ATF7: variants seen among roughly 807,000 people sequenced by gnomAD.
ATF7 encodes cyclic AMP-dependent transcription factor ATF-7.
Under a neutral mutation model 50.4 loss-of-function variants are expected in ATF7, and 10 were observed. The ratio of observed to expected loss-of-function variants is 0.20; its 90% CI spans 0.12 to 0.34. The LOEUF (loss-of-function observed/expected upper bound fraction) is 0.34. Ranked by LOEUF, ATF7 falls within the 10% of genes least tolerant of loss-of-function variation. ATF7 has a pLI of 1.00. For missense variants in ATF7, 465 were observed against 613.9 expected, an observed-to-expected ratio of 0.76 and a Z score of 2.56; for synonymous variants, 201 against 226.4, an observed-to-expected ratio of 0.89 and a Z score of 1.01.
intron 9 of ATF7, among the ~76,000 whole-genome samples, chr12:53,526,735 C>T (rs1217987343): frequency 6.6e-6 from 1 of 151,704 alleles, no homozygotes; most frequent in East Asian, 1.9e-4. Context: ...CCTGTAATCC[C>T]AGCTACTTGG....
chr12:53,543,516 T>C (rs1012816420), intron 3 of ATF7, 68 bp from the exon 4 acceptor site: 97 of 1,417,816 alleles, frequency 6.8e-5, no homozygotes, highest in Non-Finnish European at 8.6e-5. Flanking sequence ...TATTAAATAG[T>C]ATATAGAGAA....
chr12:53,519,881 G>T (rs192550024), intron 11 of ATF7, among the ~76,000 whole-genome samples: 6 of 152,020 alleles, frequency 3.9e-5, no homozygotes, highest in Non-Finnish European at 7.4e-5. Flanking sequence ...CAACTAGGTG[G>T]GACTACAGAT....
chr12:53,517,472 CT>C (rs1383994313), intron 11 of ATF7, 118 bp from the exon 12 acceptor site: 86 of 1,024,100 alleles, frequency 8.4e-5, no homozygotes, highest in Non-Finnish European at 9.8e-5. Flanking sequence ...TGAAACCCAT[CT>C]TTTTTTTGGG....
At chr12:53,595,248 A>G (rs1223732881) in intron 2 of ATF7, among the ~76,000 whole-genome samples, 1 of 152,238 alleles carries the variant, frequency 6.6e-6, no homozygotes, top group Non-Finnish European at 1.5e-5. Context: ...ACATGTAAAC[A>G]TAGCATATAC....
At position 53,547,108 on chromosome 12, in the gene ATF7, C is replaced by T. The variant is rs1306965138; in HGVS notation, c.146-3660G>A. 2.0e-5 allele frequency among the ~76,000 whole-genome samples: 3 copies of T among 150,860 alleles called. 1 individual carries two copies. The East Asian group carries it at 5.9e-4, about 29-fold the overall frequency. On this transcript the variant is annotated intron_variant, in intron 3 of 11. Transcript: ENST00000420353. ...CATGCCATTCTCCTGCCTCAGCCTC[C>T]CGAGTAGCTGGGACTACAGGCGCCC...
intron 1 of ATF7, among the ~76,000 whole-genome samples, chr12:53,622,304 A>AAAT (rs139640578): frequency 2.9e-4 from 43 of 148,286 alleles, no homozygotes; most frequent in African/African-American, 8.5e-4. Context: ...TCCATCTCAA[A>AAAT]AATAATAATA....
At chr12:53,591,525 A>T (rs2137770872) in intron 2 of ATF7, among the ~76,000 whole-genome samples, 1 of 152,316 alleles carries the variant, frequency 6.6e-6, no homozygotes, top group South Asian at 2.1e-4. Flanking sequence ...ACCACCATTA[A>T]GCCTCTGGCA....
chr12:53,537,490 T>C lies in ATF7; in HGVS notation c.327A>G (p.Glu109=). The C allele has an allele frequency of 6.2e-7, 1 of 1,613,716 alleles. No homozygotes were observed. Among genetic ancestry groups the C allele is most frequent in the South Asian group, 1.1e-5 (1 of 91,074 alleles). Residue 109 remains glutamate, a synonymous_variant, in exon 5 of 12, where the codon GAA becomes GAG. Coordinates refer to ENST00000420353, the MANE Select transcript of ATF7 (RefSeq NM_006856.3). ...PSTPDIKIKE[E]EPVEVDSSPP... Reference sequence around the variant, plus strand: ...GGGATGAGTCTACCTCCACTGGCTCTTCTTCTTTGATTTTGATGTCTGGTG... The same window carrying C: ...GGGATGAGTCTACCTCCACTGGCTCCTCTTCTTTGATTTTGATGTCTGGTG...
At chr12:53,581,696 G>A (rs1284784330) in intron 2 of ATF7, among the ~76,000 whole-genome samples, 3 of 151,956 alleles carry the variant, frequency 2.0e-5, no homozygotes, top group African/African-American at 7.3e-5. Flanking sequence ...TGATTAGTGG[G>A]AAACTGATAG....
intron 2 of ATF7, among the ~76,000 whole-genome samples, chr12:53,556,768 G>A (rs576817194): frequency 1.3e-5 from 2 of 152,176 alleles, no homozygotes; most frequent in Non-Finnish European, 2.9e-5. Flanking sequence ...AAGCCAGGGG[G>A]CTGTGGGTGC....
At chr12:53,607,964 A>C (rs535947712) in intron 1 of ATF7, among the ~76,000 whole-genome samples, 3 of 152,190 alleles carry the variant, frequency 2.0e-5, no homozygotes, top group Non-Finnish European at 4.4e-5. Flanking sequence ...TCACTCCTGT[A>C]ATCCCAGCAC....
chr12:53,613,765 C>A (rs1027778238), intron 1 of ATF7, among the ~76,000 whole-genome samples: 1 of 141,150 alleles, frequency 7.1e-6, no homozygotes, highest in South Asian at 2.4e-4. Context: ...AAGCAATCCC[C>A]CCACCCCCAC....
At chr12:53,508,525 A>C (rs555742146), downstream of ATF7, among the ~76,000 whole-genome samples, 2 of 149,738 alleles carry the variant, frequency 1.3e-5, no homozygotes, top group Admixed American at 6.7e-5. Flanking sequence ...GCACCACTAC[A>C]CTCCAGCCTT....
intron 1 of ATF7, among the ~76,000 whole-genome samples, chr12:53,618,980 A>C (rs1944263660): frequency 6.7e-6 from 1 of 149,908 alleles, no homozygotes; most frequent in Non-Finnish European, 1.5e-5. Flanking sequence ...TGAACCTGGG[A>C]GGCAGAGGTT....
At chr12:53,534,940 T>A (rs1178227126) in intron 5 of ATF7, among the ~76,000 whole-genome samples, 2 of 152,124 alleles carry the variant, frequency 1.3e-5, no homozygotes, top group Non-Finnish European at 2.9e-5. Flanking sequence ...AGCACTGTAG[T>A]ACCATATAAA....
chr12:53,600,831 CTCTGA>C (rs1943367699), intron 2 of ATF7, 117 bp downstream of exon 2: 1 of 943,154 alleles, frequency 1.1e-6, no homozygotes, highest in African/African-American at 1.6e-5. Context: ...ACTGCAAATC[CTCTGA>C]TCTGATTACC....
intron 3 of ATF7, among the ~76,000 whole-genome samples, chr12:53,547,931 G>A (rs1174772463): frequency 6.6e-6 from 1 of 152,128 alleles, no homozygotes. Context: ...TGGAGGCAGT[G>A]GCATAATCAC....
At chr12:53,548,544 G>A (rs943495481) in intron 3 of ATF7, among the ~76,000 whole-genome samples, 1 of 152,016 alleles carries the variant, frequency 6.6e-6, no homozygotes, top group African/African-American at 2.4e-5. Context: ...CGTTGCCCAG[G>A]CTGGCCTCTA....
chr12:53,535,582 G>A (rs909507361), intron 5 of ATF7, among the ~76,000 whole-genome samples: 2 of 152,004 alleles, frequency 1.3e-5, no homozygotes, highest in African/African-American at 4.8e-5. Context: ...TACTGACTTC[G>A]TGAAAATTCA....
Sources: allele counts gnomAD v4.1 joint callset (sites outside exome capture counted in the v4.1 genomes callset), GRCh38; gene constraint gnomAD v4.1.1; transcripts MANE v1.5; gene names NCBI Gene and HGNC (gene_info 2026-07-23, HGNC 2026-07-21).